DLG2: variants seen among roughly 807,000 people sequenced by gnomAD.
DLG2 encodes disks large homolog 2.
Under a neutral mutation model 132.5 loss-of-function variants are expected in DLG2, and 45 were observed. The ratio of observed to expected loss-of-function variants is 0.34; its 90% CI spans 0.27 to 0.44. The LOEUF (loss-of-function observed/expected upper bound fraction) is 0.44, where lower values mean the gene tolerates loss of function less well. Among genes scored for constraint, DLG2 ranks in the 20% least tolerant of loss-of-function variants. The pLI, the probability that DLG2 is intolerant of heterozygous loss-of-function variation, is 1.00. For synonymous variants in DLG2, 424 were observed against 419.6 expected (o/e 1.01, Z -0.13); for missense variants, 1,045 against 1,196.9 (o/e 0.87, Z 1.87).
rs543258003 is a variant in DLG2, at chr11:84,778,193, C to A, written c.358-243462G>T. Reference sequence around the variant, plus strand: ...ATATGGTAATCCGATTTTCCCAGTACCATTTATTGAAAAGAGTATCCTTTT... The same window carrying A: ...ATATGGTAATCCGATTTTCCCAGTAACATTTATTGAAAAGAGTATCCTTTT... On this transcript the variant is annotated intron_variant, in intron 6 of 27. Coordinates refer to ENST00000376104, the MANE Select transcript of DLG2 (RefSeq NM_001142699.3). Among the ~76,000 whole-genome samples, 12 of 152,226 alleles carry A rather than the reference C, an allele frequency of 7.9e-5. No homozygotes were observed. The East Asian group carries it at 2.1e-3, about 27-fold the overall frequency.
At chr11:85,575,977 A>AATATAATG (rs1213391916) in intron 3 of DLG2, among the ~76,000 whole-genome samples, 1 of 152,196 alleles carries the variant, frequency 6.6e-6, no homozygotes, top group Non-Finnish European at 1.5e-5. Context: ...AGCTTAGAAA[A>AATATAATG]ATATAATGAA....
At chr11:85,037,528 A>G (rs574030766) in intron 6 of DLG2, among the ~76,000 whole-genome samples, 1 of 152,330 alleles carries the variant, frequency 6.6e-6, no homozygotes, top group East Asian at 1.9e-4. Context: ...GGAGAGTATA[A>G]TGACAGCAAA....
intron 3 of DLG2, among the ~76,000 whole-genome samples, chr11:85,521,108 C>T (rs1461446132): frequency 4.6e-5 from 7 of 152,188 alleles, no homozygotes; most frequent in Non-Finnish European, 1.0e-4. Context: ...TATCTGCAAA[C>T]TATCTGATGT....
chr11:84,038,268 C>T (rs2095930656), intron 11 of DLG2, among the ~76,000 whole-genome samples: 1 of 151,162 alleles, frequency 6.6e-6, no homozygotes, highest in South Asian at 2.1e-4. Flanking sequence ...GTCTAATATC[C>T]AACATTTATA....
chr11:83,774,346 C>A (rs546536486), intron 18 of DLG2, among the ~76,000 whole-genome samples: 1 of 152,148 alleles, frequency 6.6e-6, no homozygotes, highest in African/African-American at 2.4e-5. Context: ...CGATAATTAT[C>A]GCTTATGGAG....
intron 2 of DLG2, among the ~76,000 whole-genome samples, chr11:85,607,584 C>A (rs951890993): frequency 6.6e-6 from 1 of 152,192 alleles, no homozygotes; most frequent in African/African-American, 2.4e-5. Context: ...AGAATGATTT[C>A]TAGTATAAAC....
intron 6 of DLG2, among the ~76,000 whole-genome samples, chr11:84,633,442 T>G (rs2099635510): frequency 6.6e-6 from 1 of 152,092 alleles, no homozygotes; most frequent in African/African-American, 2.4e-5. Flanking sequence ...TTCTGGGGCC[T>G]AAATATATCC....
intron 6 of DLG2, among the ~76,000 whole-genome samples, chr11:84,702,869 G>A (rs1309364122): frequency 1.3e-5 from 2 of 151,546 alleles, no homozygotes; most frequent in East Asian, 1.9e-4. Flanking sequence ...ACCTTACACA[G>A]TGTCTGGCAT....
intron 4 of DLG2, among the ~76,000 whole-genome samples, chr11:85,254,213 T>C (rs1447943763): frequency 6.6e-6 from 1 of 152,092 alleles, no homozygotes; most frequent in Non-Finnish European, 1.5e-5. Flanking sequence ...AAAAGGAAAA[T>C]TGTCCAGTAA....
chr11:84,677,645 A>T lies in DLG2; in HGVS notation c.358-142914T>A, dbSNP rs117817012. 6.0e-3 allele frequency among the ~76,000 whole-genome samples: 909 copies of T among 152,134 alleles called. 4 individuals carry two copies. Among genetic ancestry groups the T allele is most frequent in the Non-Finnish European group, 0.01 (683 of 67,962 alleles). On this transcript the variant is annotated intron_variant, in intron 6 of 27. Coordinates refer to ENST00000376104, the MANE Select transcript of DLG2 (RefSeq NM_001142699.3). ...ATGCCTGGAATCCTAGCAGTTTGGG[A>T]GGTTGAGCTGGGAAGATCACTTGAG...
At chr11:85,624,388 T>C (rs2081928018) in intron 2 of DLG2, among the ~76,000 whole-genome samples, 1 of 152,222 alleles carries the variant, frequency 6.6e-6, no homozygotes, top group Non-Finnish European at 1.5e-5. Context: ...AATTTCATAC[T>C]TTAATGAGAA....
intron 3 of DLG2, among the ~76,000 whole-genome samples, chr11:85,345,583 G>GA (rs1255181475): frequency 6.6e-6 from 1 of 152,056 alleles, no homozygotes; most frequent in Non-Finnish European, 1.5e-5. Flanking sequence ...GGTCTGTCTG[G>GA]AAAGTCCATT....
intron 6 of DLG2, among the ~76,000 whole-genome samples, chr11:85,110,268 T>G (rs2072490480): frequency 6.6e-6 from 1 of 151,438 alleles, no homozygotes; most frequent in Non-Finnish European, 1.5e-5. Flanking sequence ...AAAAAAAAAA[T>G]TAGCTGGGCT....
chr11:85,395,975 G>C (rs1364959304), intron 3 of DLG2, among the ~76,000 whole-genome samples: 1 of 152,182 alleles, frequency 6.6e-6, no homozygotes, highest in Non-Finnish European at 1.5e-5. Flanking sequence ...GTGAGTCCCT[G>C]ACCCCTGTGT....
chr11:83,878,258 G>T (rs558925988), intron 15 of DLG2, among the ~76,000 whole-genome samples: 2 of 152,108 alleles, frequency 1.3e-5, no homozygotes, highest in Admixed American at 1.3e-4. Flanking sequence ...CGCAGCTCAG[G>T]GTTGGCACAC....
intron 6 of DLG2, among the ~76,000 whole-genome samples, chr11:84,609,075 A>T (rs571297948): frequency 9.2e-5 from 14 of 152,280 alleles, no homozygotes; most frequent in Non-Finnish European, 1.5e-4. Context: ...GTTACTACAT[A>T]TAGTAAGACA....
At chr11:83,908,740 A>AT (rs11424853) in intron 15 of DLG2, among the ~76,000 whole-genome samples, 26,144 of 147,682 alleles carry the variant, frequency 0.18, 2,773 homozygotes, top group Non-Finnish European at 0.25. Flanking sequence ...AATATGCAGC[A>AT]TTTTTTTTTT....
At chr11:85,224,191 A>G (rs1353444735) in intron 4 of DLG2, among the ~76,000 whole-genome samples, 1 of 152,166 alleles carries the variant, frequency 6.6e-6, no homozygotes, top group Non-Finnish European at 1.5e-5. Flanking sequence ...CCTCTCCCAT[A>G]TGAATTTCTA....
intron 5 of DLG2, among the ~76,000 whole-genome samples, chr11:85,137,608 G>A (rs181879460): frequency 5.3e-5 from 8 of 152,116 alleles, no homozygotes; most frequent in Non-Finnish European, 1.2e-4. Context: ...TAAAAAGATA[G>A]GTTCATCTCT....
Sources: gnomAD v4.1 joint callset for allele counts (sites outside exome capture counted in the v4.1 genomes callset) on GRCh38, gnomAD v4.1.1 for gene constraint, MANE v1.5 for transcripts, NCBI Gene and HGNC (gene_info 2026-07-23, HGNC 2026-07-21) for gene names.